Variants in HECW1 observed in about 807,000 individuals in gnomAD.
The protein encoded by HECW1 is E3 ubiquitin-protein ligase HECW1.
Under a neutral mutation model 182.3 loss-of-function variants are expected in HECW1, and 61 were observed. The observed-to-expected ratio is 0.33, with a 90% confidence interval of 0.27 to 0.41. HECW1 has a LOEUF of 0.41. Ranked by LOEUF, HECW1 falls within the 10% of genes least tolerant of loss-of-function variation. The pLI is 1.00. For synonymous variants in HECW1, 859 were observed against 832.6 expected, an observed-to-expected ratio of 1.03 and a Z score of -0.55; for missense variants, 1,739 against 2,108.9, an observed-to-expected ratio of 0.82 and a Z score of 3.44.
At chr7:43,414,062 C>T (rs1212129767) in intron 8 of HECW1, among the ~76,000 whole-genome samples, 15 of 151,714 alleles carry the variant, frequency 9.9e-5, no homozygotes, top group Non-Finnish European at 1.9e-4. Context: ...GCCATTTTCA[C>T]GATATTGATT....
At chr7:43,492,985 C>G in intron 18 of HECW1, 99 bp from the exon 19 acceptor site, 1 of 718,910 alleles carries the variant, frequency 1.4e-6, no homozygotes, top group Non-Finnish European at 2.3e-6. Flanking sequence ...CCTTCAAACT[C>G]CTTCATTAAT....
chr7:43,204,056 A>G (rs947429484), intron 2 of HECW1, among the ~76,000 whole-genome samples: 1 of 152,226 alleles, frequency 6.6e-6, no homozygotes, highest in African/African-American at 2.4e-5. Context: ...GCTGATTGTG[A>G]CTAGTTCAAG....
At chr7:43,531,343 G>A (rs914307464) in intron 24 of HECW1, among the ~76,000 whole-genome samples, 22 of 152,102 alleles carry the variant, frequency 1.4e-4, no homozygotes, top group East Asian at 7.7e-4. Context: ...CACTTGCTCT[G>A]TGGTGATGAG....
intron 11 of HECW1, among the ~76,000 whole-genome samples, chr7:43,446,779 C>G (rs1448931899): frequency 6.6e-6 from 1 of 152,132 alleles, no homozygotes; most frequent in Non-Finnish European, 1.5e-5. Context: ...GAAACACAGG[C>G]AGAAAGGTAA....
chr7:43,427,012 A>C (rs2076384293), intron 8 of HECW1, among the ~76,000 whole-genome samples: 1 of 152,074 alleles, frequency 6.6e-6, no homozygotes, highest in Admixed American at 6.6e-5. Context: ...GTATTATTAT[A>C]ATCTATAAAT....
intron 3 of HECW1, among the ~76,000 whole-genome samples, chr7:43,273,955 G>A (rs1020607074): frequency 1.8e-4 from 27 of 151,670 alleles, no homozygotes; most frequent in African/African-American, 6.3e-4. Context: ...GGGTTCAAGC[G>A]ATTCTCCTAC....
rs764158480 is a variant in HECW1, at chr7:43,445,210, CCCTCGTGCTACAGCT to C, written c.2053_2067del (p.Ser685_Ser689del). 2.7e-5 allele frequency: 43 copies of C among 1,613,316 alleles called. No homozygotes were observed. The highest frequency in any genetic ancestry group is 7.7e-5 in the South Asian group (7 of 91,086). On this transcript the variant is annotated inframe_deletion, in exon 11 of 30. Coordinates refer to ENST00000395891, the MANE Select transcript of HECW1 (RefSeq NM_015052.5). ...GGGCTGTGACGCGTCCTGCTGCAGC[CCCTCGTGCTACAGCT>C]CCTCGTGCTACAGCACGTCCTGCTA...
chr7:43,231,704 C>T (rs1050407712), intron 2 of HECW1, among the ~76,000 whole-genome samples: 1 of 152,088 alleles, frequency 6.6e-6, no homozygotes, highest in African/African-American at 2.4e-5. Context: ...GGAGGGCACA[C>T]AAAATGTATT....
intron 5 of HECW1, among the ~76,000 whole-genome samples, chr7:43,334,650 A>G (rs567752351): frequency 1.3e-5 from 2 of 152,350 alleles, no homozygotes; most frequent in South Asian, 4.1e-4. Flanking sequence ...GACAAAAAGC[A>G]GAAAAGAAAA....
At chr7:43,495,002 A>G (rs1403261927) in intron 19 of HECW1, among the ~76,000 whole-genome samples, 3 of 152,196 alleles carry the variant, frequency 2.0e-5, no homozygotes, top group Non-Finnish European at 4.4e-5. Context: ...TTAAAGGCTC[A>G]GATCAAAAGC....
chr7:43,349,976 A>G (rs1252854982), intron 5 of HECW1, among the ~76,000 whole-genome samples: 2 of 152,162 alleles, frequency 1.3e-5, no homozygotes, highest in Non-Finnish European at 2.9e-5. Flanking sequence ...TTTATGCTTT[A>G]AAGAGGTTCT....
intron 3 of HECW1, among the ~76,000 whole-genome samples, chr7:43,310,964 A>G (rs780044686): frequency 1.4e-4 from 21 of 152,140 alleles, no homozygotes; most frequent in Non-Finnish European, 2.5e-4. Context: ...CATGAGTTCT[A>G]TTTGCTGCCT....
chr7:43,399,251 C>T (rs1031287280), intron 7 of HECW1, among the ~76,000 whole-genome samples: 3 of 152,160 alleles, frequency 2.0e-5, no homozygotes, highest in African/African-American at 7.2e-5. Flanking sequence ...GTTAGTTGCG[C>T]CTGTTCCCAG....
chr7:43,392,338 C>G (rs779510576), intron 6 of HECW1, among the ~76,000 whole-genome samples: 1 of 152,164 alleles, frequency 6.6e-6, no homozygotes, highest in African/African-American at 2.4e-5. Context: ...AATGTGGCCA[C>G]ACTCCTATTG....
At chr7:43,439,984 C>A (rs937273807) in intron 9 of HECW1, 1 of 152,434 alleles carries the variant, frequency 6.6e-6, no homozygotes, top group Non-Finnish European at 1.5e-5. Flanking sequence ...AGACTGCCCC[C>A]TGGTGGCGGC....
At chr7:43,169,089 G>C (rs1583795224) in intron 2 of HECW1, among the ~76,000 whole-genome samples, 1 of 152,308 alleles carries the variant, frequency 6.6e-6, no homozygotes, top group South Asian at 2.1e-4. Context: ...AGTAGGGAAA[G>C]AAATCAAATG....
chr7:43,524,314 C>G (rs1446244822), intron 24 of HECW1, among the ~76,000 whole-genome samples: 1 of 152,182 alleles, frequency 6.6e-6, no homozygotes, highest in African/African-American at 2.4e-5. Flanking sequence ...CAGGTTTTCA[C>G]TAGATTTTCT....
At chr7:43,528,196 A>T (rs549671492) in intron 24 of HECW1, among the ~76,000 whole-genome samples, 1 of 152,324 alleles carries the variant, frequency 6.6e-6, no homozygotes, top group South Asian at 2.1e-4. Flanking sequence ...ATATCGCAAA[A>T]CAAAATATTT....
intron 6 of HECW1, among the ~76,000 whole-genome samples, chr7:43,364,566 G>T (rs997915949): frequency 6.6e-6 from 1 of 152,250 alleles, no homozygotes; most frequent in Admixed American, 6.5e-5. Flanking sequence ...CTGCGGAGGA[G>T]GGGGCGTGGC....
Sources: allele counts gnomAD v4.1 joint callset (sites outside exome capture counted in the v4.1 genomes callset), GRCh38; gene constraint gnomAD v4.1.1; transcripts MANE v1.5; gene names NCBI Gene and HGNC (gene_info 2026-07-23, HGNC 2026-07-21).